TRPM4: variants seen among roughly 807,000 people sequenced by gnomAD.
TRPM4 encodes the protein transient receptor potential cation channel subfamily M member 4.
In TRPM4, 124 loss-of-function variants were observed where a neutral mutation model predicts 135.6. The ratio of observed to expected loss-of-function variants is 0.91; its 90% CI spans 0.79 to 1.06. The LOEUF (loss-of-function observed/expected upper bound fraction) is 1.06. TRPM4 is among the 50% of genes least tolerant of loss of function. The probability of loss-of-function intolerance (pLI) is 0.00; values close to 1 mark genes in which losing one functional copy is unlikely to be tolerated. For synonymous variants in TRPM4, 745 were observed against 705.6 expected (o/e 1.06, Z -0.88); for missense variants, 1,658 against 1,671.4 (o/e 0.99, Z 0.14).
rs868058972 is a variant in TRPM4 at position 49,210,378 on chromosome 19, C to G, written c.3301C>G (p.Pro1101Ala). The G allele has an allele frequency of 3.1e-6, 5 of 1,613,942 alleles. No individual in the cohort carries two copies. The highest frequency in any genetic ancestry group is 1.7e-4 in the Middle Eastern group (1 of 6,060). ...QLCRRPRSPQPSSPALEHFRV... is the reference protein window; with the variant it reads ...QLCRRPRSPQASSPALEHFRV... ...GTGCAGGCGACCCCGGAGCCCCCAG[C>G]CGTCCTCCCCGGCCCTCGAGCATTT... Residue 1101 changes from proline (P) to alanine (A), a missense_variant, in exon 21 of 25, where the codon CCG becomes GCG. Pro to Ala is a conservative substitution (Grantham distance 27, BLOSUM62 -1). This residue lies in a region of TRPM4 where 1,412 missense variants were observed against 1,408.7 expected (regional missense o/e 1.00). Transcript: ENST00000252826. This position sits in a 1 kb window ranked among gnomAD's most constrained non-coding sequence, Gnocchi z 4.1.
chr19:49,211,448 C>T lies in TRPM4; in HGVS notation c.3641-46C>T. The stretch of plus-strand genomic sequence containing the variant: ...CAGTCTCCCAGTTTTTCTGTCTCTC[C>T]CCTTCCCTGCCAATCACCTGCTCTC... On this transcript the variant is annotated intron_variant, in intron 24 of 24. Transcript: ENST00000252826. The surrounding 1 kb of genome is among the most constrained non-coding windows in gnomAD (Gnocchi z 4.8). 1 of 1,613,698 alleles carries T rather than the reference C, an allele frequency of 6.2e-7. No homozygotes were observed.
At chr19:49,182,149 CATT>C (rs1967970185) in intron 10 of TRPM4, among the ~76,000 whole-genome samples, 1 of 109,868 alleles carries the variant, frequency 9.1e-6, no homozygotes, top group African/African-American at 3.6e-5. Flanking sequence ...TCCATCCATC[CATT>C]CATCTGTCCA....
At chr19:49,182,467 TC>T in intron 10 of TRPM4, 110 bp from the exon 11 acceptor site, 2 of 415,894 alleles carry the variant, frequency 4.8e-6, no homozygotes, top group Non-Finnish European at 8.3e-6. Context: ...CATCCATCCA[TC>T]CATCCATCCA....
At chr19:49,182,334 GTCCA>G (rs1450003233) in intron 10 of TRPM4, among the ~76,000 whole-genome samples, 2 of 77,484 alleles carry the variant, frequency 2.6e-5, no homozygotes, top group African/African-American at 5.2e-5. Flanking sequence ...CCATCCCTCT[GTCCA>G]TCCATCCATC....
rs1038478129 is a variant in TRPM4 at position 49,183,109 on chromosome 19, C to A, written c.1640C>A (p.Pro547Gln). 6.2e-7 allele frequency: 1 copy of A among 1,613,336 alleles called. No individual in the cohort carries two copies. Residue 547 changes from proline to glutamine, a missense_variant, in exon 12 of 25, where the codon CCG (proline) becomes CAG (glutamine). Coordinates refer to ENST00000252826, the MANE Select transcript of TRPM4 (RefSeq NM_017636.4). ...MYLLSDKATS[P>Q]LSLDAGLGQA... ...CTGCTCTCGGACAAGGCCACCTCGC[C>A]GCTCTCGCTGGATGCTGGCCTCGGG...
intron 18 of TRPM4, 84 bp downstream of exon 18, chr19:49,200,516 G>T: frequency 6.3e-7 from 1 of 1,594,064 alleles, no homozygotes. Context: ...GAGAAGGGGC[G>T]TGACTTTGGG....
intron 12 of TRPM4, among the ~76,000 whole-genome samples, 164 bp downstream of exon 12, chr19:49,183,376 C>G (rs912849214): frequency 9.9e-5 from 15 of 152,144 alleles, no homozygotes; most frequent in Non-Finnish European, 1.9e-4. Flanking sequence ...TTTCTTTTCT[C>G]TCTCTCACAT....
chr19:49,174,879 G>A (rs1967616964), intron 9 of TRPM4, among the ~76,000 whole-genome samples: 1 of 151,596 alleles, frequency 6.6e-6, no homozygotes, highest in Non-Finnish European at 1.5e-5. Context: ...TGTGTGGGGA[G>A]GGTCATTTTT....
chr19:49,158,190 A>C lies in TRPM4; in HGVS notation c.25-2A>C. ...CACCCCTACATTTGTTCCTGTCCCC[A>C]GAGCTGGATCCCCAAGATCTTCAAG... On this transcript the variant is annotated splice_acceptor_variant, in intron 1 of 24. Coordinates refer to ENST00000252826, the MANE Select transcript of TRPM4 (RefSeq NM_017636.4). LOFTEE classifies it high-confidence loss of function. 1.2e-6 allele frequency: 2 copies of C among 1,613,828 alleles called. No individual in the cohort carries two copies. Among genetic ancestry groups the C allele is most frequent in the Non-Finnish European group, 1.7e-6 (2 of 1,179,920 alleles).
chr19:49,197,308 TTTTCTTTC>T (rs78342507), intron 17 of TRPM4, among the ~76,000 whole-genome samples: 15,484 of 121,550 alleles, frequency 0.13, 1,049 homozygotes, highest in Admixed American at 0.16. Flanking sequence ...CTTTCTTTCT[TTTTCTTTC>T]TTTCTTTCTT....
At chr19:49,202,906 G>A (rs1241048673) in intron 20 of TRPM4, among the ~76,000 whole-genome samples, 4 of 113,640 alleles carry the variant, frequency 3.5e-5, no homozygotes, top group Admixed American at 9.6e-5. Flanking sequence ...TTTTTTTGAC[G>A]GAGTCTCGCT....
chr19:49,167,817 C>T (rs1237090406), intron 3 of TRPM4, 100 bp from the exon 4 acceptor site: 13 of 925,378 alleles, frequency 1.4e-5, no homozygotes, highest in Admixed American at 9.4e-5. Context: ...TCTCTGTCCC[C>T]GTCTCTCTGG....
chr19:49,191,063 G>C (rs920471522), intron 16 of TRPM4, among the ~76,000 whole-genome samples: 3 of 152,076 alleles, frequency 2.0e-5, no homozygotes, highest in Non-Finnish European at 4.4e-5. Flanking sequence ...AGGAGTAGGG[G>C]TGCCACATAG....
chr19:49,199,310 G>A (rs1284129464), intron 17 of TRPM4, among the ~76,000 whole-genome samples: 2 of 151,992 alleles, frequency 1.3e-5, no homozygotes, highest in Non-Finnish European at 2.9e-5. Flanking sequence ...CCAGGCTGGA[G>A]TGCAGTGGCG....
rs1191141857 is a variant in TRPM4 at position 49,211,024 on chromosome 19, G to T, written c.3471G>T (p.Leu1157Phe). Residue 1157 changes from leucine (L) to phenylalanine (F), a missense_variant, in exon 23 of 25, where the codon TTG becomes TTT. Coordinates refer to ENST00000252826, the MANE Select transcript of TRPM4 (RefSeq NM_017636.4). The surrounding 1 kb of genome is among the most constrained non-coding windows in gnomAD (Gnocchi z 4.8). Reference sequence around the variant, plus strand: ...GGCCCTCCCTTCTCAGGGTGGACTTGGCACTGAAACAGCTGGGACACATCC... The same window carrying T: ...GGCCCTCCCTTCTCAGGGTGGACTTTGCACTGAAACAGCTGGGACACATCC... ...RLKRTSQKVD[L>F]ALKQLGHIRE... 1.2e-6 allele frequency: 2 copies of T among 1,613,904 alleles called. No homozygotes were observed. The highest frequency in any genetic ancestry group is 8.5e-7 in the Non-Finnish European group (1 of 1,179,968).
intron 2 of TRPM4, 48 bp from the exon 3 acceptor site, chr19:49,165,993 G>A: frequency 6.5e-7 from 1 of 1,543,162 alleles, no homozygotes; most frequent in Non-Finnish European, 8.8e-7. Flanking sequence ...ACAGGGTGCT[G>A]GGGTCGGGGG....
intron 6 of TRPM4, among the ~76,000 whole-genome samples, chr19:49,169,605 T>A (rs1323997910): frequency 6.7e-6 from 1 of 150,198 alleles, no homozygotes; most frequent in Non-Finnish European, 1.5e-5. Flanking sequence ...TTAGTAGAGA[T>A]GAGGTTTCAC....
chr19:49,181,312 CCT>C (rs1568469487), intron 9 of TRPM4, 35 bp from the exon 10 acceptor site: 4 of 1,491,380 alleles, frequency 2.7e-6, no homozygotes, highest in Non-Finnish European at 3.7e-6. Flanking sequence ...TCCCTCCTCC[CCT>C]GACTTCTTGT....
intron 12 of TRPM4, among the ~76,000 whole-genome samples, chr19:49,185,023 C>A (rs961669836): frequency 6.6e-6 from 1 of 151,578 alleles, no homozygotes; most frequent in African/African-American, 2.4e-5. Context: ...CTGCCTCTAT[C>A]TCTGTATTCT....
Sources: gnomAD v4.1 joint callset for allele counts (sites outside exome capture counted in the v4.1 genomes callset) on GRCh38, gnomAD v4.1.1 for gene constraint, gnomAD v4.1.1 regional missense constraint, Gnocchi (gnomAD v3.1) non-coding constraint, MANE v1.5 for transcripts, NCBI Gene and HGNC (gene_info 2026-07-23, HGNC 2026-07-21) for gene names.